SCAND3: variants seen among roughly 807,000 people sequenced by gnomAD.
The protein encoded by SCAND3 is SCAN domain-containing protein 3.
At chr6:28,598,876 CA>C in the SCAND3 span, among the ~76,000 whole-genome samples, 413 of 74,310 alleles carry the variant, frequency 5.6e-3, no homozygotes, top group African/African-American at 0.015. Context: ...GACTATGTCT[CA>C]AAAAAAAAAA....
At chr6:28,586,481 C>G in the SCAND3 span, 3 of 1,614,270 alleles carry the variant, frequency 1.9e-6, no homozygotes, top group Non-Finnish European at 2.5e-6. This position sits in a 1 kb window ranked among gnomAD's most constrained non-coding sequence, Gnocchi z 4.4. Flanking sequence ...GGTTCAGCCA[C>G]TGACGGCAAA....
the SCAND3 span, among the ~76,000 whole-genome samples, chr6:28,609,848 A>G: frequency 1.3e-5 from 2 of 152,232 alleles, no homozygotes; most frequent in Admixed American, 6.5e-5. Context: ...AGATACAGCA[A>G]TGTGTTTAAT....
the SCAND3 span, chr6:28,590,397 C>T: frequency 6.6e-6 from 1 of 152,230 alleles, no homozygotes; most frequent in Non-Finnish European, 1.5e-5. Context: ...ATCTTGCCTC[C>T]CCTGAACTGT....
chr6:28,609,264 C>CA, the SCAND3 span, among the ~76,000 whole-genome samples: 49 of 152,278 alleles, frequency 3.2e-4, no homozygotes, highest in South Asian at 6.6e-3. Flanking sequence ...AGCCACCCCT[C>CA]AAATGAAAAA....
At chr6:28,607,266 C>T in the SCAND3 span, among the ~76,000 whole-genome samples, 1 of 152,066 alleles carries the variant, frequency 6.6e-6, no homozygotes, top group African/African-American at 2.4e-5. Flanking sequence ...CTCAATGGAC[C>T]GCCTTTCCAC....
chr6:28,583,064 AG>A, the SCAND3 span, among the ~76,000 whole-genome samples: 1 of 151,980 alleles, frequency 6.6e-6, no homozygotes, highest in Non-Finnish European at 1.5e-5. Flanking sequence ...GTGTGAGGAA[AG>A]GGGGGGCAAG....
At chr6:28,581,245 G>A in the SCAND3 span, among the ~76,000 whole-genome samples, 1 of 152,240 alleles carries the variant, frequency 6.6e-6, no homozygotes, top group Non-Finnish European at 1.5e-5. Context: ...GGCTGAGGAA[G>A]GCAGATTGCT....
At chr6:28,574,717 C>G in the SCAND3 span, 1 of 1,614,106 alleles carries the variant, frequency 6.2e-7, no homozygotes, top group Non-Finnish European at 8.5e-7. Context: ...AACAGGCAAA[C>G]TTCTTTGAAT....
the SCAND3 span, chr6:28,572,512 T>G: frequency 2.2e-5 from 35 of 1,613,344 alleles, no homozygotes; most frequent in Middle Eastern, 4.9e-4. This position sits in a 1 kb window ranked among gnomAD's most constrained non-coding sequence, Gnocchi z 4.1. Context: ...CATTGAAAAA[T>G]AAGTTGCATT....
chr6:28,597,415 C>G, the SCAND3 span, among the ~76,000 whole-genome samples: 3 of 152,188 alleles, frequency 2.0e-5, no homozygotes, highest in Admixed American at 6.5e-5. Flanking sequence ...CACTCGGCCA[C>G]CTCGTCACAT....
At chr6:28,609,945 T>A in the SCAND3 span, among the ~76,000 whole-genome samples, 1 of 151,874 alleles carries the variant, frequency 6.6e-6, no homozygotes, top group Non-Finnish European at 1.5e-5. Flanking sequence ...TGGCATGGAG[T>A]CCAGGCAAGT....
the SCAND3 span, among the ~76,000 whole-genome samples, chr6:28,615,379 C>T: frequency 6.6e-6 from 1 of 152,006 alleles, no homozygotes; most frequent in Non-Finnish European, 1.5e-5. Context: ...TTTGAGAGGC[C>T]GAGGTGGGCG....
At chr6:28,579,633 T>C in the SCAND3 span, among the ~76,000 whole-genome samples, 1 of 152,076 alleles carries the variant, frequency 6.6e-6, no homozygotes, top group Non-Finnish European at 1.5e-5. This position sits in a 1 kb window ranked among gnomAD's most constrained non-coding sequence, Gnocchi z 4.5. Flanking sequence ...AGGACAGGAG[T>C]TAAAACGCAT....
chr6:28,575,583 T>C, the SCAND3 span: 7 of 1,614,018 alleles, frequency 4.3e-6, no homozygotes, highest in Non-Finnish European at 5.9e-6. This position sits in a 1 kb window ranked among gnomAD's most constrained non-coding sequence, Gnocchi z 4.2. Flanking sequence ...CTACTTGGCA[T>C]CTTGAACTAA....
At chr6:28,614,823 C>A in the SCAND3 span, among the ~76,000 whole-genome samples, 3 of 152,152 alleles carry the variant, frequency 2.0e-5, no homozygotes, top group Non-Finnish European at 4.4e-5. Context: ...CTGAAAGAAT[C>A]TTCCAAATAA....
chr6:28,572,636 T>G, the SCAND3 span: 1 of 1,614,016 alleles, frequency 6.2e-7, no homozygotes. This position sits in a 1 kb window ranked among gnomAD's most constrained non-coding sequence, Gnocchi z 4.1. Context: ...ATGGGTTTCT[T>G]GCCTTGCAGA....
At chr6:28,590,810 C>T in the SCAND3 span, 1 of 152,162 alleles carries the variant, frequency 6.6e-6, no homozygotes, top group Non-Finnish European at 1.5e-5. Flanking sequence ...TTACAAAATT[C>T]ATGAAAGCAT....
the SCAND3 span, among the ~76,000 whole-genome samples, chr6:28,584,146 C>T: frequency 6.6e-6 from 1 of 152,182 alleles, no homozygotes; most frequent in African/African-American, 2.4e-5. Context: ...CTGTCACCCC[C>T]TGTATAGGCA....
At chr6:28,584,340 GA>G in the SCAND3 span, among the ~76,000 whole-genome samples, 2 of 151,648 alleles carry the variant, frequency 1.3e-5, no homozygotes, top group African/African-American at 4.9e-5. Context: ...AATTTTAAAA[GA>G]CAATTTTTTT....
Sources: gnomAD v4.1 joint callset for allele counts (sites outside exome capture counted in the v4.1 genomes callset) on GRCh38, gnomAD v4.1.1 for gene constraint, Gnocchi (gnomAD v3.1) non-coding constraint, MANE v1.5 for transcripts, NCBI Gene and HGNC (gene_info 2026-07-23, HGNC 2026-07-21) for gene names.